The following KIF14 variants were observed in gnomAD, a reference collection of about 807,000 sequenced individuals.
KIF14 encodes kinesin family member 14.
Under a neutral mutation model 176.2 loss-of-function variants are expected in KIF14, and 98 were observed. That is an observed-to-expected ratio of 0.56 (90% confidence interval 0.47 to 0.66). The LOEUF (loss-of-function observed/expected upper bound fraction) is 0.66. KIF14 is among the 30% of genes least tolerant of loss of function. KIF14 has a pLI of 0.00. For missense variants in KIF14, 1,751 were observed against 1,920.4 expected, an observed-to-expected ratio of 0.91 and a Z score of 1.65; for synonymous variants, 566 against 632.2, an observed-to-expected ratio of 0.90 and a Z score of 1.57.
chr1:200,563,274 T>C (rs1657261385), intron 25 of KIF14, among the ~76,000 whole-genome samples: 1 of 152,230 alleles, frequency 6.6e-6, no homozygotes. Flanking sequence ...ATTTGTTCAA[T>C]TGTTCTATAA....
chr1:200,579,088 T>C (rs1416036795), intron 21 of KIF14, among the ~76,000 whole-genome samples: 1 of 151,674 alleles, frequency 6.6e-6, no homozygotes, highest in Non-Finnish European at 1.5e-5. Context: ...AGATTCCGTC[T>C]CAAAAAAAAC....
At chr1:200,594,483 C>T (rs1659230773) in intron 14 of KIF14, among the ~76,000 whole-genome samples, 2 of 149,728 alleles carry the variant, frequency 1.3e-5, no homozygotes, top group Admixed American at 6.7e-5. Context: ...TCTGGTTTTA[C>T]ATATGAGCTT....
intron 13 of KIF14, among the ~76,000 whole-genome samples, chr1:200,599,426 T>C (rs1440563169): frequency 6.6e-6 from 1 of 152,234 alleles, no homozygotes; most frequent in Non-Finnish European, 1.5e-5. Context: ...TCTCTTCCTA[T>C]TAAAATCTTA....
chr1:200,581,284 A>G lies in KIF14; in HGVS notation c.3252T>C (p.Thr1084=), dbSNP rs760714131. Residue 1084 remains threonine, a synonymous_variant, in exon 20 of 30, where the codon ACT becomes ACC. Transcript: ENST00000367350. The part of the protein sequence containing the change: ...NRDKTFTVQT[T]WSSMKLSMMI... ...TCATTGAGAGTTTCATAGAGCTCCA[A>G]GTTGTCTGCACTAATACAAAGCACA... 1.2e-6 allele frequency: 2 copies of G among 1,600,918 alleles called. No individual in the cohort carries two copies. The highest frequency in any genetic ancestry group is 1.4e-5 in the African/African-American group (1 of 74,056).
intron 19 of KIF14, among the ~76,000 whole-genome samples, chr1:200,583,399 T>C (rs1275263193): frequency 1.3e-5 from 2 of 152,130 alleles, no homozygotes; most frequent in African/African-American, 4.8e-5. Context: ...CAGTGAAGTG[T>C]GTACACCTTA....
chr1:200,603,754 G>C (rs1384745165), intron 9 of KIF14, 85 bp downstream of exon 9: 1 of 814,148 alleles, frequency 1.2e-6, no homozygotes, highest in African/African-American at 1.7e-5. Context: ...ATTTGGGGAG[G>C]TTAAGTGTAT....
rs546549284 is a variant in KIF14 at position 200,569,181 on chromosome 1, T to C, written c.3661+730A>G. On this transcript the variant is annotated intron_variant, in intron 23 of 29. Transcript: ENST00000367350. ...CTCAGGTGATTCACCCACCTCAGCC[T>C]CCCAAAGTGCTAGGATTACAGACGT... 1.2e-4 allele frequency among the ~76,000 whole-genome samples: 18 copies of C among 152,228 alleles called. No homozygotes were observed. In the East Asian group the frequency reaches 3.5e-3, roughly 29 times the overall value.
At position 200,586,881 on chromosome 1, in the gene KIF14, G is replaced by A. The variant is rs1470817367; in HGVS notation, c.3115-654C>T. Among the ~76,000 whole-genome samples, 6 of 151,342 alleles carry A rather than the reference G, an allele frequency of 4.0e-5. No homozygotes were observed. In the East Asian group the frequency reaches 1.2e-3, roughly 29 times the overall value. Reference sequence around the variant, plus strand: ...CTTTTGCAGCAACTTGAATGGAACTGGAGGCAATAATTCTAAGTGAAGTAA... The same window carrying A: ...CTTTTGCAGCAACTTGAATGGAACTAGAGGCAATAATTCTAAGTGAAGTAA... On this transcript the variant is annotated intron_variant, in intron 18 of 29. Transcript: ENST00000367350.
chr1:200,586,052 T>C, intron 19 of KIF14, 49 bp downstream of exon 19: 1 of 1,298,636 alleles, frequency 7.7e-7, no homozygotes. Context: ...ATATTACATA[T>C]AACATGCATA....
At chr1:200,611,460 C>T (rs898775069) in intron 4 of KIF14, among the ~76,000 whole-genome samples, 1 of 152,150 alleles carries the variant, frequency 6.6e-6, no homozygotes, top group Non-Finnish European at 1.5e-5. Flanking sequence ...TATAAGGGAA[C>T]ACCAAGTAAT....
At chr1:200,578,287 AT>A (rs1180782114) in intron 21 of KIF14, among the ~76,000 whole-genome samples, 1 of 151,442 alleles carries the variant, frequency 6.6e-6, no homozygotes, top group Non-Finnish European at 1.5e-5. Flanking sequence ...TTTTATTTTC[AT>A]TTTTCCATTA....
chr1:200,608,366 T>TC (rs1006431999), intron 5 of KIF14, among the ~76,000 whole-genome samples: 10 of 119,968 alleles, frequency 8.3e-5, no homozygotes, highest in African/African-American at 2.8e-4. Flanking sequence ...CCGCTTCTTT[T>TC]CTTTTTTTTT....
At chr1:200,565,371 A>G (rs1196282751) in intron 24 of KIF14, 74 bp downstream of exon 24, 19 of 1,423,296 alleles carry the variant, frequency 1.3e-5, no homozygotes, top group Non-Finnish European at 1.7e-5. Flanking sequence ...GTGCCAAATA[A>G]TCACTCAAAA....
At chr1:200,588,426 A>G (rs1284824627) in intron 18 of KIF14, among the ~76,000 whole-genome samples, 2 of 151,834 alleles carry the variant, frequency 1.3e-5, no homozygotes, top group African/African-American at 4.8e-5. Context: ...TTTTTAGTAG[A>G]GACAGGGTTT....
Position 200,565,646 on chromosome 1 carries a change from T to C in KIF14, c.3685A>G (p.Ile1229Val), listed in dbSNP as rs376483675. Residue 1229 changes from isoleucine (I) to valine (V), a missense_variant, in exon 24 of 30, where the codon ATT becomes GTT. Coordinates refer to ENST00000367350, the MANE Select transcript of KIF14 (RefSeq NM_014875.3). ...SSGLMDKSST[I>V]YSNSAESFLP... Reference sequence around the variant, plus strand: ...AAGGACTCTGCTGAATTTGAGTAAATAGTGCTTGATTTGTCCATTAAACCT... The same window carrying C: ...AAGGACTCTGCTGAATTTGAGTAAACAGTGCTTGATTTGTCCATTAAACCT... 2.8e-5 allele frequency: 44 copies of C among 1,598,852 alleles called. No individual in the cohort carries two copies. The highest frequency in any genetic ancestry group is 3.7e-5 in the Non-Finnish European group (43 of 1,176,684).
At chr1:200,593,926 A>AATT (rs1659181935) in intron 14 of KIF14, among the ~76,000 whole-genome samples, 157 bp from the exon 15 acceptor site, 1 of 62,000 alleles carries the variant, frequency 1.6e-5, no homozygotes, top group Non-Finnish European at 3.1e-5. Flanking sequence ...TCCTCCAACT[A>AATT]GTTTTTTTTT....
Position 200,553,100 on chromosome 1 carries a change from T to A in KIF14, c.*288A>T. On this transcript the variant is annotated 3_prime_UTR_variant, in exon 30 of 30. Coordinates refer to ENST00000367350, the MANE Select transcript of KIF14 (RefSeq NM_014875.3). ...CTGGGATTACAGGCACGCGCCACCA[T>A]GCCCAGCAAATTTTTGTATTTTTAG... The A allele has an allele frequency of 5.5e-6, 1 of 180,986 alleles. No homozygotes were observed. The highest frequency in any genetic ancestry group is 1.1e-5 in the Non-Finnish European group (1 of 87,216). 11.2% of individuals were successfully genotyped at this position (180,986 alleles called of 1,614,324 possible).
chr1:200,585,081 A>G (rs1658662217), intron 19 of KIF14, among the ~76,000 whole-genome samples: 1 of 152,178 alleles, frequency 6.6e-6, no homozygotes, highest in Non-Finnish European at 1.5e-5. Flanking sequence ...CAGGAAATAC[A>G]GGATAGGGGA....
At chr1:200,615,012 C>T (rs1009434908) in intron 3 of KIF14, among the ~76,000 whole-genome samples, 16 of 152,214 alleles carry the variant, frequency 1.1e-4, no homozygotes, top group Admixed American at 6.5e-4. Flanking sequence ...GCTGAGACTA[C>T]AGGTGTGTGC....
Sources: gnomAD v4.1 joint callset for allele counts (sites outside exome capture counted in the v4.1 genomes callset) on GRCh38, gnomAD v4.1.1 for gene constraint, MANE v1.5 for transcripts, NCBI Gene and HGNC (gene_info 2026-07-23, HGNC 2026-07-21) for gene names.